Variants in SPIDR observed in about 807,000 individuals in gnomAD.
SPIDR encodes the protein scaffold protein involved in DNA repair.
SPIDR carries 93 observed loss-of-function variants against 104.6 expected under a neutral mutation model. The ratio of observed to expected loss-of-function variants is 0.89; its 90% CI spans 0.75 to 1.06. SPIDR has a LOEUF of 1.06. Ranked by LOEUF, SPIDR falls within the 50% of genes least tolerant of loss-of-function variation. SPIDR has a pLI of 0.00. For missense variants in SPIDR, 1,154 were observed against 1,111.2 expected, an observed-to-expected ratio of 1.04 and a Z score of -0.55; for synonymous variants, 431 against 416.9, an observed-to-expected ratio of 1.03 and a Z score of -0.41.
At chr8:47,655,606 T>C (rs1307965627) in intron 10 of SPIDR, among the ~76,000 whole-genome samples, 1 of 152,228 alleles carries the variant, frequency 6.6e-6, no homozygotes, top group African/African-American at 2.4e-5. Context: ...TTGGAGTTCA[T>C]TGTAGATTCT....
chr8:47,308,088 G>A (rs2043419296), intron 5 of SPIDR, among the ~76,000 whole-genome samples: 1 of 151,962 alleles, frequency 6.6e-6, no homozygotes, highest in Non-Finnish European at 1.5e-5. Context: ...TTGAGGCAGA[G>A]TCTCACTCTG....
chr8:47,530,398 C>T (rs956193454), intron 8 of SPIDR, among the ~76,000 whole-genome samples: 2 of 151,950 alleles, frequency 1.3e-5, no homozygotes, highest in African/African-American at 4.8e-5. Flanking sequence ...GAGCTGAGAT[C>T]GGGCCTGTGC....
At chr8:47,316,526 A>G (rs1212623237) in intron 5 of SPIDR, among the ~76,000 whole-genome samples, 1 of 152,240 alleles carries the variant, frequency 6.6e-6, no homozygotes. Context: ...CTTAGCAATG[A>G]TAAGGAACAC....
intron 8 of SPIDR, among the ~76,000 whole-genome samples, chr8:47,514,551 A>T (rs550735382): frequency 6.6e-6 from 1 of 152,324 alleles, no homozygotes; most frequent in African/African-American, 2.4e-5. Context: ...AGTGAGGCAT[A>T]AAAGAGGGGT....
chr8:47,620,307 C>T (rs534846754), intron 10 of SPIDR, among the ~76,000 whole-genome samples: 42 of 137,140 alleles, frequency 3.1e-4, no homozygotes, highest in African/African-American at 1.2e-3. Context: ...CGGAGTCTCA[C>T]TCTGTCACCG....
intron 10 of SPIDR, among the ~76,000 whole-genome samples, chr8:47,618,298 A>G (rs1403997627): frequency 6.6e-6 from 1 of 152,098 alleles, no homozygotes; most frequent in Admixed American, 6.6e-5. Flanking sequence ...CAGTCCGGCT[A>G]TCATTATTCA....
At chr8:47,641,000 A>G (rs1343858243) in intron 10 of SPIDR, among the ~76,000 whole-genome samples, 2 of 151,340 alleles carry the variant, frequency 1.3e-5, no homozygotes, top group Admixed American at 1.3e-4. Context: ...GGCGGGAGCC[A>G]CTGCGCCTGG....
rs2038541329 is a variant in SPIDR, at chr8:47,284,956, A to C, written c.256+862A>C. Among the ~76,000 whole-genome samples, 5 of 152,346 alleles carry C rather than the reference A, an allele frequency of 3.3e-5. No individual in the cohort carries two copies. In the South Asian group the frequency reaches 1.0e-3, roughly 32 times the overall value. On this transcript the variant is annotated intron_variant, in intron 3 of 19. Transcript: ENST00000297423. Reference sequence around the variant, plus strand: ...GCAGTCAGCCCCGCTGTGGGTGTGTAGGAAGAGTGAGGGCTTGTGACTTCC... The same window carrying C: ...GCAGTCAGCCCCGCTGTGGGTGTGTCGGAAGAGTGAGGGCTTGTGACTTCC...
chr8:47,570,211 CATAAAG>C (rs1393627497), intron 8 of SPIDR, among the ~76,000 whole-genome samples: 79 of 152,254 alleles, frequency 5.2e-4, no homozygotes, highest in Non-Finnish European at 1.3e-4. Context: ...ACAGTGTTGA[CATAAAG>C]ATAAACATGT....
intron 5 of SPIDR, among the ~76,000 whole-genome samples, chr8:47,353,452 T>G (rs1445483216): frequency 6.6e-6 from 1 of 152,140 alleles, no homozygotes; most frequent in African/African-American, 2.4e-5. Context: ...CTCCCTAATA[T>G]GCAAGCTTAG....
At chr8:47,286,020 AC>A (rs1192396438) in intron 3 of SPIDR, among the ~76,000 whole-genome samples, 1 of 152,216 alleles carries the variant, frequency 6.6e-6, no homozygotes, top group Non-Finnish European at 1.5e-5. Flanking sequence ...GATTTTAACT[AC>A]CTAGTTGTGC....
At chr8:47,268,620 A>G (rs2034590150) in intron 1 of SPIDR, among the ~76,000 whole-genome samples, 2 of 151,938 alleles carry the variant, frequency 1.3e-5, no homozygotes, top group African/African-American at 4.8e-5. Context: ...CGTGGCTAAT[A>G]TTTTTTGTTA....
intron 7 of SPIDR, among the ~76,000 whole-genome samples, chr8:47,414,487 T>C (rs1475418707): frequency 6.6e-6 from 1 of 152,256 alleles, no homozygotes; most frequent in East Asian, 1.9e-4. Flanking sequence ...ATTTATCTGC[T>C]TCAGAGATGA....
At chr8:47,627,855 G>A (rs1010581962) in intron 10 of SPIDR, among the ~76,000 whole-genome samples, 25 of 152,212 alleles carry the variant, frequency 1.6e-4, no homozygotes, top group Admixed American at 1.6e-3. Context: ...GGAGAAGTTA[G>A]CATTTGTGTT....
chr8:47,540,412 A>G (rs558291571), intron 8 of SPIDR, among the ~76,000 whole-genome samples: 2 of 152,194 alleles, frequency 1.3e-5, no homozygotes, highest in South Asian at 4.1e-4. Context: ...TTACTACAGG[A>G]TGATATTTTT....
chr8:47,719,593 G>C (rs532485270), intron 16 of SPIDR, among the ~76,000 whole-genome samples: 1 of 152,258 alleles, frequency 6.6e-6, no homozygotes, highest in South Asian at 2.1e-4. Flanking sequence ...CTGGGAATTT[G>C]CCTTCTCCAA....
chr8:47,418,793 A>G (rs2064854859), intron 7 of SPIDR, among the ~76,000 whole-genome samples: 1 of 152,230 alleles, frequency 6.6e-6, no homozygotes, highest in South Asian at 2.1e-4. Flanking sequence ...GATACGTCCC[A>G]TCAATACCTA....
intron 5 of SPIDR, among the ~76,000 whole-genome samples, chr8:47,308,327 TG>T (rs1429047840): frequency 8.6e-5 from 13 of 151,600 alleles, no homozygotes; most frequent in African/African-American, 3.1e-4. Flanking sequence ...CCTCCCAAAG[TG>T]CTGAGATTAT....
chr8:47,404,019 C>G (rs1410045277), intron 6 of SPIDR, among the ~76,000 whole-genome samples: 2 of 152,156 alleles, frequency 1.3e-5, no homozygotes, highest in Non-Finnish European at 2.9e-5. Context: ...ACCAATGGAA[C>G]AAAACAGAGC....
Sources: gnomAD v4.1 joint callset for allele counts (sites outside exome capture counted in the v4.1 genomes callset) on GRCh38, gnomAD v4.1.1 for gene constraint, MANE v1.5 for transcripts, NCBI Gene and HGNC (gene_info 2026-07-23, HGNC 2026-07-21) for gene names.